STAU1: variants seen among roughly 807,000 people sequenced by gnomAD.
STAU1 encodes double-stranded RNA-binding protein Staufen homolog 1.
STAU1 carries 13 observed loss-of-function variants against 62.9 expected under a neutral mutation model. The ratio of observed to expected loss-of-function variants is 0.21; its 90% confidence interval spans 0.13 to 0.33. The LOEUF (loss-of-function observed/expected upper bound fraction) is 0.33. STAU1 is among the 10% of genes least tolerant of loss of function. The pLI, the probability that STAU1 is intolerant of heterozygous loss-of-function variation, is 1.00. For missense variants in STAU1, 571 were observed against 712.1 expected, an observed-to-expected ratio of 0.80 and a Z score of 2.25; for synonymous variants, 269 against 265.1, an observed-to-expected ratio of 1.01 and a Z score of -0.14.
At chr20:49,179,493 G>A (rs1445866640) in intron 1 of STAU1, among the ~76,000 whole-genome samples, 2 of 152,176 alleles carry the variant, frequency 1.3e-5, no homozygotes, top group Non-Finnish European at 2.9e-5. Flanking sequence ...AAAGGGTCAT[G>A]GAGCTTTCAT....
At chr20:49,121,966 A>G (rs1181533259) in intron 8 of STAU1, among the ~76,000 whole-genome samples, 1 of 152,224 alleles carries the variant, frequency 6.6e-6, no homozygotes, top group Admixed American at 6.5e-5. Context: ...CAACCTGGCC[A>G]TCTACCAGCC....
In STAU1 at chr20:49,124,316, A is replaced by G; in HGVS notation, c.822+59T>C. 3 of 1,561,010 alleles carry G rather than the reference A, an allele frequency of 1.9e-6. No homozygotes were observed. The South Asian group carries it at 3.4e-5, about 18-fold the overall frequency. ...CCTTGGGGACAGCGACCAGCCTTCT[A>G]AACCCCCCACCCATCTATAAGTAAT... is the stretch of plus-strand genomic sequence containing the variant. On this transcript the variant is annotated intron_variant, in intron 7 of 13. Transcript: ENST00000371856.
chr20:49,125,952 T>C (rs1464503054), intron 6 of STAU1, among the ~76,000 whole-genome samples: 1 of 151,978 alleles, frequency 6.6e-6, no homozygotes. Flanking sequence ...TTTACTGTTT[T>C]ACATATTAAA....
At chr20:49,124,256 C>G (rs2092538810) in intron 7 of STAU1, 119 bp downstream of exon 7, 1 of 1,013,588 alleles carries the variant, frequency 9.9e-7, no homozygotes, top group Non-Finnish European at 1.5e-6. Flanking sequence ...GTCTGGCAGG[C>G]CTGGGGTGTG....
At chr20:49,176,012 T>G (rs1175093436) in intron 1 of STAU1, among the ~76,000 whole-genome samples, 2 of 152,004 alleles carry the variant, frequency 1.3e-5, no homozygotes, top group African/African-American at 4.8e-5. Flanking sequence ...GCCAGGATGG[T>G]CTCGATCTCC....
chr20:49,159,254 G>A (rs1303431788), intron 3 of STAU1: 3 of 690,310 alleles, frequency 4.3e-6, no homozygotes, highest in African/African-American at 2.0e-5. Context: ...TGTTGGTGTA[G>A]CAAGGCTAGA....
rs576862656 is a variant in STAU1 at position 49,131,111 on chromosome 20, A to G, written c.609+4722T>C. On this transcript the variant is annotated intron_variant, in intron 6 of 13. Transcript: ENST00000371856. ...AAAAAACACATAACCAGACCTAATC[A>G]TAAGTAATCCATCAGAAATACCCAA... 5.3e-5 allele frequency among the ~76,000 whole-genome samples: 8 copies of G among 152,320 alleles called. No individual in the cohort carries two copies. In the East Asian group the frequency reaches 7.7e-4, roughly 15 times the overall value.
At chr20:49,138,020 A>T (rs903309722) in intron 5 of STAU1, among the ~76,000 whole-genome samples, 2 of 152,172 alleles carry the variant, frequency 1.3e-5, no homozygotes, top group East Asian at 3.9e-4. Flanking sequence ...CATGGTGGCT[A>T]GCGCCTGTGA....
intron 4 of STAU1, among the ~76,000 whole-genome samples, chr20:49,153,283 C>T (rs1192378034): frequency 2.3e-5 from 3 of 132,884 alleles, no homozygotes; most frequent in Non-Finnish European, 5.2e-5. Context: ...CACAAAGGGC[C>T]GGGTGTGGTG....
chr20:49,216,865 G>A, the STAU1 span, among the ~76,000 whole-genome samples: 1 of 152,126 alleles, frequency 6.6e-6, no homozygotes. Context: ...TCTTGGGCAA[G>A]GCTTTCAAGA....
chr20:49,129,280 ATTTTTTT>A (rs71184264), intron 6 of STAU1, among the ~76,000 whole-genome samples: 2 of 87,928 alleles, frequency 2.3e-5, no homozygotes, highest in African/African-American at 4.7e-5. Context: ...TTAAAAAAAA[ATTTTTTT>A]TTTTTTTTTT....
chr20:49,204,776 G>A, the STAU1 span, among the ~76,000 whole-genome samples: 3 of 149,168 alleles, frequency 2.0e-5, no homozygotes, highest in Non-Finnish European at 4.4e-5. Context: ...AGCCTCCTGA[G>A]TAGCTGGGAT....
chr20:49,206,719 T>TTATATATATATATATATATA, the STAU1 span, among the ~76,000 whole-genome samples: 138 of 105,980 alleles, frequency 1.3e-3, no homozygotes, highest in East Asian at 6.1e-3. Context: ...AAATGAAATT[T>TTATATATATATATATATATA]TATATATATA....
chr20:49,125,216 A>AAAAAAAC (rs2092576227), intron 6 of STAU1, among the ~76,000 whole-genome samples: 1 of 147,326 alleles, frequency 6.8e-6, no homozygotes, highest in Non-Finnish European at 1.5e-5. Context: ...AAAAAAAAAA[A>AAAAAAAC]AAAAAAAACG....
chr20:49,182,887 G>T (rs981940311), intron 1 of STAU1, among the ~76,000 whole-genome samples: 1 of 151,776 alleles, frequency 6.6e-6, no homozygotes, highest in African/African-American at 2.4e-5. Context: ...ATGAAACAGG[G>T]AGGCAAAAAT....
chr20:49,180,332 T>TCCC (rs3091763), intron 1 of STAU1, among the ~76,000 whole-genome samples: 51 of 146,746 alleles, frequency 3.5e-4, no homozygotes, highest in Admixed American at 8.1e-4. Context: ...TTTTTTTTTT[T>TCCC]CCCCCCCTGG....
chr20:49,174,620 C>T (rs1335888620), intron 1 of STAU1, among the ~76,000 whole-genome samples: 1 of 151,564 alleles, frequency 6.6e-6, no homozygotes, highest in Non-Finnish European at 1.5e-5. Context: ...CTTTGGAAGG[C>T]CGAGGTGGGA....
chr20:49,187,667 G>T (rs1421449212), intron 1 of STAU1, among the ~76,000 whole-genome samples: 1 of 151,962 alleles, frequency 6.6e-6, no homozygotes, highest in African/African-American at 2.4e-5. Context: ...GGCAGAGCCG[G>T]GTTCGGCACC....
chr20:49,121,296 T>C (rs184857141), intron 8 of STAU1, among the ~76,000 whole-genome samples: 71 of 152,092 alleles, frequency 4.7e-4, no homozygotes, highest in Admixed American at 1.8e-3. Context: ...GAATCCCAGC[T>C]ACTCGGGAGG....
Sources: allele counts gnomAD v4.1 joint callset (sites outside exome capture counted in the v4.1 genomes callset), GRCh38; gene constraint gnomAD v4.1.1; transcripts MANE v1.5; gene names NCBI Gene and HGNC (gene_info 2026-07-23, HGNC 2026-07-21).